CNTLN: variants seen among roughly 807,000 people sequenced by gnomAD.
CNTLN encodes centlein, centrosomal protein.
A neutral mutation model predicts 180.0 loss-of-function variants in CNTLN; 212 were observed. The observed-to-expected ratio is 1.18, with a 90% CI of 1.05 to 1.32. CNTLN has a LOEUF of 1.32. Ranked by LOEUF, CNTLN falls within the 40% of genes most tolerant of loss-of-function variation. CNTLN has a pLI of 0.00. For synonymous variants in CNTLN, 722 were observed against 563.1 expected (o/e 1.28, Z -3.99); for missense variants, 2,095 against 1,610.9 (o/e 1.30, Z -5.14).
intron 18 of CNTLN, among the ~76,000 whole-genome samples, chr9:17,455,000 GCA>G (rs1831028193): frequency 6.6e-6 from 1 of 152,214 alleles, no homozygotes; most frequent in South Asian, 2.1e-4. Flanking sequence ...AGATTTTATA[GCA>G]CAGTCTCTTT....
intron 5 of CNTLN, among the ~76,000 whole-genome samples, chr9:17,254,516 A>G (rs1181807314): frequency 6.7e-6 from 1 of 149,762 alleles, no homozygotes; most frequent in African/African-American, 2.5e-5. Context: ...TTCATTTGTG[A>G]GTAGATATCT....
At chr9:17,183,198 G>A (rs576896823) in intron 2 of CNTLN, among the ~76,000 whole-genome samples, 1 of 152,084 alleles carries the variant, frequency 6.6e-6, no homozygotes, top group Non-Finnish European at 1.5e-5. Context: ...ATTTTTTTGA[G>A]GGGAGATAAA....
chr9:17,154,315 G>A (rs1044967281), intron 2 of CNTLN, among the ~76,000 whole-genome samples: 1 of 152,198 alleles, frequency 6.6e-6, no homozygotes, highest in Admixed American at 6.5e-5. Flanking sequence ...GATCTTTGAT[G>A]TTGGTAACCT....
chr9:17,309,370 G>A lies in CNTLN; in HGVS notation c.1341+118G>A, dbSNP rs1320467417. 4.9e-6 allele frequency: 4 copies of A among 821,718 alleles called. No homozygotes were observed. In the Admixed American group the frequency reaches 1.2e-4, roughly 25 times the overall value. The allele number at this position is 821,718 out of a possible 1,614,324, so 50.9% of individuals were successfully genotyped here. On this transcript the variant is annotated intron_variant, in intron 8 of 25. Transcript: ENST00000380647. ...GCATTTATTGGAGTATAAGAAGTGT[G>A]CAGATTGTTTTGCATTATACTGTTT...
At chr9:17,221,925 T>C (rs1320038866) in intron 2 of CNTLN, among the ~76,000 whole-genome samples, 3 of 152,044 alleles carry the variant, frequency 2.0e-5, no homozygotes, top group Non-Finnish European at 2.9e-5. Flanking sequence ...TCTCATATTC[T>C]CTCTTTTTAT....
intron 12 of CNTLN, among the ~76,000 whole-genome samples, chr9:17,365,449 A>G (rs943240174): frequency 1.3e-5 from 2 of 152,146 alleles, no homozygotes; most frequent in African/African-American, 4.8e-5. Flanking sequence ...CAAAGTGAGA[A>G]TAGACTAATA....
In CNTLN at chr9:17,330,706, G is replaced by A. The variant is rs1158313756; in HGVS notation, c.1416G>A (p.Gln472=). ...AGAAGTCTGAAATTGAGTATTTACA[G>A]GAGAAACTAAAGATAGCAAATGAAA... ...VSQKSEIEYL[Q]EKLKIANEKL... The change falls in exon 9 of 26, where the codon CAG becomes CAA. Residue 472 remains glutamine, a synonymous_variant. Transcript: ENST00000380647. 1.2e-6 allele frequency: 2 copies of A among 1,611,992 alleles called. No homozygotes were observed. The highest frequency in any genetic ancestry group is 1.7e-6 in the Non-Finnish European group (2 of 1,178,666).
chr9:17,193,742 C>G (rs1821940875), intron 2 of CNTLN, among the ~76,000 whole-genome samples: 1 of 152,200 alleles, frequency 6.6e-6, no homozygotes, highest in Admixed American at 6.5e-5. Context: ...TCTCACAGTT[C>G]CACTAGGCAT....
chr9:17,450,561 G>T (rs1306714341), intron 18 of CNTLN, among the ~76,000 whole-genome samples: 1 of 152,126 alleles, frequency 6.6e-6, no homozygotes, highest in Non-Finnish European at 1.5e-5. Flanking sequence ...AGTGTTGCTG[G>T]AATAAAAAGA....
intron 9 of CNTLN, among the ~76,000 whole-genome samples, chr9:17,331,674 T>C (rs1328859932): frequency 6.6e-6 from 1 of 152,024 alleles, no homozygotes; most frequent in African/African-American, 2.4e-5. Flanking sequence ...ACCATGTTTC[T>C]GTGGTACTGT....
intron 12 of CNTLN, among the ~76,000 whole-genome samples, chr9:17,359,905 A>T (rs965792769): frequency 4.6e-5 from 7 of 151,524 alleles, no homozygotes; most frequent in African/African-American, 1.7e-4. Flanking sequence ...CTCAAAAAAA[A>T]AAATAATAAT....
chr9:17,432,668 T>C (rs1195137454), intron 18 of CNTLN, among the ~76,000 whole-genome samples: 1 of 152,032 alleles, frequency 6.6e-6, no homozygotes, highest in Non-Finnish European at 1.5e-5. Context: ...AGATCTTCAG[T>C]GTGTGCTGAA....
the CNTLN span, among the ~76,000 whole-genome samples, chr9:17,519,294 C>A: frequency 6.7e-6 from 1 of 150,338 alleles, no homozygotes. Context: ...CTCACAAACA[C>A]AGTATTGCAT....
intron 8 of CNTLN, among the ~76,000 whole-genome samples, chr9:17,318,681 A>G (rs1396994298): frequency 6.6e-6 from 1 of 152,142 alleles, no homozygotes. Context: ...CTGAAGTTAG[A>G]TAGAGGAGAG....
the CNTLN span, among the ~76,000 whole-genome samples, chr9:17,510,283 C>G: frequency 6.6e-6 from 1 of 152,028 alleles, no homozygotes; most frequent in Non-Finnish European, 1.5e-5. Flanking sequence ...CCACAGTGAC[C>G]ATATGACCAT....
intron 2 of CNTLN, among the ~76,000 whole-genome samples, chr9:17,155,785 A>C (rs530378848): frequency 6.8e-6 from 1 of 147,182 alleles, no homozygotes; most frequent in Non-Finnish European, 1.5e-5. Context: ...TAGGGTATGG[A>C]AAAAAAAAAA....
intron 16 of CNTLN, among the ~76,000 whole-genome samples, chr9:17,415,219 G>A (rs76109110): frequency 0.01 from 1,595 of 152,204 alleles, 18 homozygotes; most frequent in Non-Finnish European, 0.015. Flanking sequence ...AGAATGCCAT[G>A]AGGAAAACAT....
chr9:17,416,469 A>G (rs960025061), intron 18 of CNTLN, among the ~76,000 whole-genome samples: 2 of 152,122 alleles, frequency 1.3e-5, no homozygotes, highest in African/African-American at 4.8e-5. Context: ...ATATTTTTAC[A>G]TATTCTGTAT....
chr9:17,433,321 G>C lies in CNTLN; in HGVS notation c.3114+17132G>C, dbSNP rs183451682. Among the ~76,000 whole-genome samples, 537 of 149,824 alleles carry C rather than the reference G, an allele frequency of 3.6e-3. 2 individuals carry two copies. Among genetic ancestry groups the C allele is most frequent in the African/African-American group, 0.013 (519 of 40,744 alleles). ...TTTTTTTGAAATGGAGTCTCGTTCT[G>C]TCGCCCAAGCTGGAGTGCAATGGCG... On this transcript the variant is annotated intron_variant, in intron 18 of 25. Coordinates refer to ENST00000380647, the MANE Select transcript of CNTLN (RefSeq NM_017738.4).
Sources: allele counts gnomAD v4.1 joint callset (sites outside exome capture counted in the v4.1 genomes callset), GRCh38; gene constraint gnomAD v4.1.1; transcripts MANE v1.5; gene names NCBI Gene and HGNC (gene_info 2026-07-23, HGNC 2026-07-21).